The following TMPRSS11D variants were observed in gnomAD, a reference collection of about 807,000 sequenced individuals.
TMPRSS11D encodes the protein transmembrane serine protease 11D, also known as transmembrane protease serine 11D.
A neutral mutation model predicts 44.4 loss-of-function variants in TMPRSS11D; 32 were observed. That is an observed-to-expected ratio of 0.72 (90% CI 0.54 to 0.97). The LOEUF (loss-of-function observed/expected upper bound fraction) is 0.97. TMPRSS11D is among the 50% of genes least tolerant of loss of function. The probability of loss-of-function intolerance (pLI) is 0.00; values close to 1 mark genes in which losing one functional copy is unlikely to be tolerated. For missense variants in TMPRSS11D, 446 were observed against 502.6 expected (o/e 0.89, Z 1.08); for synonymous variants, 179 against 177.9 (o/e 1.01, Z -0.05).
In TMPRSS11D at chr4:67,859,645, C is replaced by A; in HGVS notation, c.42G>T (p.Leu14=). The A allele has an allele frequency of 6.2e-7, 1 of 1,613,084 alleles. No homozygotes were observed. Among genetic ancestry groups the A allele is most frequent in the Non-Finnish European group, 8.5e-7 (1 of 1,179,310 alleles). ...CAATGAAACATACTACATATGGATT[C>A]AGAAATCTTGAAGTCGAAGTTACAC... The part of the protein sequence containing the change: ...PARVTSTSRF[L]NPYVVCFIVV... Residue 14 remains leucine (L), a synonymous_variant, in exon 2 of 10, where the codon CTG becomes CTT. Transcript: ENST00000283916.
Position 67,837,196 on chromosome 4 carries a change from C to T in TMPRSS11D, c.475+976G>A, listed in dbSNP as rs567907485. 8.5e-5 allele frequency among the ~76,000 whole-genome samples: 13 copies of T among 152,196 alleles called. 2 individuals carry two copies. Among genetic ancestry groups the T allele is most frequent in the African/African-American group, 2.4e-4 (10 of 41,556 alleles). On this transcript the variant is annotated intron_variant, in intron 5 of 9. Coordinates refer to ENST00000283916, the MANE Select transcript of TMPRSS11D (RefSeq NM_004262.3). ...TAAATAAATAAACACTTGGGAAGTG[C>T]GTTCGGGAGCATTCCTTAATGTGTG...
At chr4:67,822,830 A>G (rs1474392121) in intron 9 of TMPRSS11D, among the ~76,000 whole-genome samples, 1 of 152,042 alleles carries the variant, frequency 6.6e-6, no homozygotes, top group African/African-American at 2.4e-5. Context: ...CACCCTTTCC[A>G]GCTTTGGGCT....
At chr4:67,875,609 G>A (rs553057472) in intron 1 of TMPRSS11D, among the ~76,000 whole-genome samples, 2 of 152,258 alleles carry the variant, frequency 1.3e-5, no homozygotes, top group Non-Finnish European at 2.9e-5. Context: ...CAGCGCAGCT[G>A]AGAGCACAGA....
intron 1 of TMPRSS11D, among the ~76,000 whole-genome samples, chr4:67,881,852 T>C (rs1719326948): frequency 1.3e-5 from 2 of 152,220 alleles, no homozygotes; most frequent in African/African-American, 2.4e-5. Context: ...CTAAGACTTG[T>C]CTGTCCCTGA....
chr4:67,879,471 CAAA>C (rs58768044), intron 1 of TMPRSS11D, among the ~76,000 whole-genome samples: 1 of 108,810 alleles, frequency 9.2e-6, no homozygotes. Flanking sequence ...GACTCCTTCT[CAAA>C]AAAAAAAAAA....
intron 1 of TMPRSS11D, among the ~76,000 whole-genome samples, chr4:67,866,461 C>T (rs922776872): frequency 6.6e-6 from 1 of 151,846 alleles, no homozygotes; most frequent in Non-Finnish European, 1.5e-5. Flanking sequence ...ACTTTCATCA[C>T]GTCTATCAAA....
At chr4:67,857,880 T>C (rs943790161) in intron 2 of TMPRSS11D, among the ~76,000 whole-genome samples, 2 of 152,180 alleles carry the variant, frequency 1.3e-5, no homozygotes, top group Non-Finnish European at 2.9e-5. Flanking sequence ...TTCTAATACA[T>C]AGAAATGATA....
chr4:67,860,051 A>G (rs1017918990), intron 1 of TMPRSS11D, among the ~76,000 whole-genome samples: 1 of 152,092 alleles, frequency 6.6e-6, no homozygotes, highest in Non-Finnish European at 1.5e-5. Context: ...GTAGTAATCA[A>G]CCTTGCCTGG....
In TMPRSS11D at chr4:67,822,369, G is replaced by T. The variant is rs1325543681; in HGVS notation, c.1225C>A (p.Leu409Ile). The change falls in exon 10 of 10, where the codon CTT becomes ATT. Residue 409 changes from leucine (L) to isoleucine (I), a missense_variant. Leu to Ile is a conservative substitution (Grantham distance 5). Transcript: ENST00000283916. ...CCAGTTTGTTGCCTAATCCAGTCAAGGTAGGCTGTCACTCGAGTATACACT... is the reference window on the plus strand; with the variant it reads ...CCAGTTTGTTGCCTAATCCAGTCAATGTAGGCTGTCACTCGAGTATACACT... Reference protein sequence around the residue: ...PGVYTRVTAYLDWIRQQTGI With the variant: ...PGVYTRVTAYIDWIRQQTGI 3.1e-6 allele frequency: 5 copies of T among 1,613,824 alleles called. No homozygotes were observed. Among genetic ancestry groups the T allele is most frequent in the Non-Finnish European group, 4.2e-6 (5 of 1,179,816 alleles).
At chr4:67,860,357 AG>A (rs1718767324) in intron 1 of TMPRSS11D, 1 of 152,102 alleles carries the variant, frequency 6.6e-6, no homozygotes, top group Admixed American at 6.6e-5. Flanking sequence ...GGAAGTCACC[AG>A]GGGAGCTGGA....
At position 67,883,966 on chromosome 4, in the gene TMPRSS11D, C is replaced by T. The variant is rs1207743478; in HGVS notation, c.-33G>A. 1.3e-6 allele frequency: 2 copies of T among 1,595,552 alleles called. No individual in the cohort carries two copies. The highest frequency in any genetic ancestry group is 3.5e-5 in the Admixed American group (2 of 57,444). On this transcript the variant is annotated 5_prime_UTR_variant, in exon 1 of 10. Coordinates refer to ENST00000283916, the MANE Select transcript of TMPRSS11D (RefSeq NM_004262.3). ...CTTAATGAAGAGGTTCTTTTTTCTG[C>T]CTACTCAACTGCTTTGAGATTCCCA...
Position 67,827,449 on chromosome 4 carries a change from A to G in TMPRSS11D, c.764T>C (p.Val255Ala), listed in dbSNP as rs746633188. Reference protein sequence around the residue: ...STTFPKLRMRVRNILIHNNYK... With the variant: ...STTFPKLRMRARNILIHNNYK... ...ATTGTTATGAATTAAAATATTTCTT[A>G]CTCTCATTCTTAGTTTAGGAAATGT... Residue 255 changes from valine (V) to alanine (A), a missense_variant, in exon 8 of 10, where the codon GTA (valine) becomes GCA (alanine). Transcript: ENST00000283916. 8.1e-6 allele frequency: 13 copies of G among 1,612,432 alleles called. No homozygotes were observed. Among genetic ancestry groups the G allele is most frequent in the Non-Finnish European group, 1.1e-5 (13 of 1,179,216 alleles).
chr4:67,849,668 C>A (rs995797342), intron 3 of TMPRSS11D, among the ~76,000 whole-genome samples: 1 of 151,986 alleles, frequency 6.6e-6, no homozygotes, highest in African/African-American at 2.4e-5. Context: ...TTATTTTACT[C>A]GTGAATAAAC....
intron 3 of TMPRSS11D, among the ~76,000 whole-genome samples, chr4:67,849,145 G>C (rs547723999): frequency 3.3e-5 from 5 of 152,288 alleles, no homozygotes; most frequent in Non-Finnish European, 5.9e-5. Context: ...AATGATAGTA[G>C]AATTTTAAGG....
chr4:67,869,670 A>G (rs908019088), intron 1 of TMPRSS11D, among the ~76,000 whole-genome samples: 3 of 152,224 alleles, frequency 2.0e-5, no homozygotes, highest in African/African-American at 4.8e-5. Flanking sequence ...ATTTACTAGC[A>G]TATGCTAATT....
chr4:67,829,664 AAACCAGTAATAAATAAGCAG>A (rs1717897517), intron 7 of TMPRSS11D, among the ~76,000 whole-genome samples: 3 of 152,076 alleles, frequency 2.0e-5, no homozygotes, highest in Non-Finnish European at 2.9e-5. Context: ...AAAAGTCTGT[AAACCAGTAATAAATAAGCAG>A]AAAAACCATT....
intron 1 of TMPRSS11D, among the ~76,000 whole-genome samples, chr4:67,868,486 A>T (rs1718976477): frequency 6.6e-6 from 1 of 152,308 alleles, no homozygotes; most frequent in Non-Finnish European, 1.5e-5. Flanking sequence ...AATGCCACCA[A>T]TCTTCATAGA....
intron 3 of TMPRSS11D, among the ~76,000 whole-genome samples, chr4:67,843,210 T>A (rs1718275907): frequency 6.6e-6 from 1 of 151,528 alleles, no homozygotes. Context: ...AGAAATTGAG[T>A]CTCACTATGT....
chr4:67,869,960 C>A (rs2109698647), intron 1 of TMPRSS11D, among the ~76,000 whole-genome samples: 1 of 152,172 alleles, frequency 6.6e-6, no homozygotes, highest in Admixed American at 6.6e-5. Context: ...TTAGCAAACA[C>A]CCTCCCCTGC....
Sources: gnomAD v4.1 joint callset for allele counts (sites outside exome capture counted in the v4.1 genomes callset) on GRCh38, gnomAD v4.1.1 for gene constraint, MANE v1.5 for transcripts, NCBI Gene and HGNC (gene_info 2026-07-23, HGNC 2026-07-21) for gene names.